CMBL: variants seen among roughly 807,000 people sequenced by gnomAD.
CMBL encodes the protein carboxymethylenebutenolidase homolog, also known as carboxymethylenebutenolidase homolog (Pseudomonas).
CMBL carries 17 observed loss-of-function variants against 28.7 expected under a neutral mutation model. The ratio of observed to expected loss-of-function variants is 0.59; its 90% CI spans 0.41 to 0.89. CMBL has a LOEUF of 0.89. Ranked by LOEUF, CMBL falls within the 40% of genes least tolerant of loss-of-function variation. The probability of loss-of-function intolerance (pLI) is 0.00; values close to 1 mark genes in which losing one functional copy is unlikely to be tolerated. For synonymous variants in CMBL, 106 were observed against 101.6 expected, an observed-to-expected ratio of 1.04 and a Z score of -0.26; for missense variants, 310 against 298.5, an observed-to-expected ratio of 1.04 and a Z score of -0.28.
intron 4 of CMBL, among the ~76,000 whole-genome samples, chr5:10,285,049 G>A (rs778064842): frequency 3.3e-5 from 5 of 151,246 alleles, no homozygotes; most frequent in Non-Finnish European, 5.9e-5. Flanking sequence ...TGTCATCCAG[G>A]TTGGAGTGCA....
chr5:10,301,381 G>T (rs1030876966), intron 1 of CMBL, among the ~76,000 whole-genome samples: 3 of 152,098 alleles, frequency 2.0e-5, no homozygotes, highest in Admixed American at 1.3e-4. Context: ...ACTATAATTA[G>T]TAAGACTCAA....
At chr5:10,280,678 T>C (rs1055078752) in intron 5 of CMBL, 46 bp from the exon 6 acceptor site, 3 of 1,496,616 alleles carry the variant, frequency 2.0e-6, no homozygotes, top group African/African-American at 1.4e-5. Context: ...AGTGATACTT[T>C]CCATTCTCCA....
chr5:10,281,430 C>T (rs1279053928), intron 5 of CMBL, among the ~76,000 whole-genome samples: 1 of 152,122 alleles, frequency 6.6e-6, no homozygotes, highest in Non-Finnish European at 1.5e-5. Context: ...ACTGCCTAGC[C>T]TGGTCTTAAA....
In CMBL at chr5:10,280,218, C is replaced by T. The variant is rs1746474604; in HGVS notation, c.*235G>A. ...CCTCCCAAAGTGCTGGAATTACAGG[C>T]ATGAGGCACTACACCTGGTCAGACC... is the stretch of plus-strand genomic sequence containing the variant. On this transcript the variant is annotated 3_prime_UTR_variant, in exon 6 of 6. Coordinates refer to ENST00000296658, the MANE Select transcript of CMBL (RefSeq NM_138809.4). The T allele has an allele frequency of 2.8e-6, 1 of 351,824 alleles. No individual in the cohort carries two copies. The highest frequency in any genetic ancestry group is 4.3e-5 in the Admixed American group (1 of 23,364). The allele number at this position is 351,824 out of a possible 1,614,324, so 21.8% of individuals were successfully genotyped here.
chr5:10,305,641 C>T (rs752339082), intron 1 of CMBL, among the ~76,000 whole-genome samples: 7 of 152,026 alleles, frequency 4.6e-5, no homozygotes, highest in Non-Finnish European at 8.8e-5. Context: ...GTGCAATCTC[C>T]GCTCACTGCA....
In CMBL at chr5:10,292,129, TCACCGC is replaced by T. The variant is rs1344035491; in HGVS notation, c.-19-1354_-19-1349del. ...ACTGTGAACAATCAACTGAGATAAC[TCACCGC>T]CATCAGGCCTGCCTAAATTTAAATA... On this transcript the variant is annotated intron_variant, in intron 1 of 5. Coordinates refer to ENST00000296658, the MANE Select transcript of CMBL (RefSeq NM_138809.4). 4 of 152,338 alleles carry T rather than the reference TCACCGC, an allele frequency of 2.6e-5. No homozygotes were observed. The East Asian group carries it at 7.7e-4, about 29-fold the overall frequency. The allele number at this position is 152,338 out of a possible 1,614,324, so 9.4% of individuals were successfully genotyped here.
chr5:10,300,221 T>C (rs980427737), intron 1 of CMBL, among the ~76,000 whole-genome samples: 10 of 151,640 alleles, frequency 6.6e-5, no homozygotes, highest in African/African-American at 2.2e-4. Flanking sequence ...CGTGTGAAGA[T>C]GGAGGTGGAG....
rs1305731797 is a variant in CMBL, at chr5:10,307,705, G to C, written c.-100C>G. 1 of 152,944 alleles carries C rather than the reference G, an allele frequency of 6.5e-6. No individual in the cohort carries two copies. The highest frequency in any genetic ancestry group is 2.4e-5 in the African/African-American group (1 of 41,438). The allele number at this position is 152,944 out of a possible 1,614,324, so 9.5% of individuals were successfully genotyped here. ...GCGGCGTGGCGCCGGGCGGGGACGC[G>C]AGAGGGACGTGGACGCGGCGACCGA... On this transcript the variant is annotated 5_prime_UTR_variant, in exon 1 of 6. Transcript: ENST00000296658.
rs1746447217 is a variant in CMBL at position 10,279,089 on chromosome 5, G to A, written c.*1364C>T. Among the ~76,000 whole-genome samples, 1 of 152,184 alleles carries A rather than the reference G, an allele frequency of 6.6e-6. No homozygotes were observed. The highest frequency in any genetic ancestry group is 2.4e-5 in the African/African-American group (1 of 41,432). On this transcript the variant is annotated 3_prime_UTR_variant, in exon 6 of 6. Coordinates refer to ENST00000296658, the MANE Select transcript of CMBL (RefSeq NM_138809.4). ...CACATGTACGCACCCCGTAGGTGCA[G>A]GTGCAGAGTTTCTCACCGGCTCTCC...
intron 1 of CMBL, among the ~76,000 whole-genome samples, chr5:10,295,957 G>A (rs1382569892): frequency 6.6e-6 from 1 of 152,200 alleles, no homozygotes; most frequent in Non-Finnish European, 1.5e-5. Context: ...ATGCTATCTA[G>A]CATTGCTAAG....
intron 4 of CMBL, among the ~76,000 whole-genome samples, chr5:10,283,504 G>A (rs1209950067): frequency 6.6e-6 from 1 of 152,188 alleles, no homozygotes; most frequent in African/African-American, 2.4e-5. Context: ...TTGGCCGGGC[G>A]AGGTGGCTCA....
intron 5 of CMBL, among the ~76,000 whole-genome samples, chr5:10,280,930 T>C (rs559393216): frequency 6.6e-6 from 1 of 152,238 alleles, no homozygotes; most frequent in South Asian, 2.1e-4. Context: ...CCCGCCACCA[T>C]GCCCAGCTAA....
chr5:10,285,480 T>C (rs1332792856), intron 4 of CMBL, among the ~76,000 whole-genome samples: 1 of 152,100 alleles, frequency 6.6e-6, no homozygotes, highest in Non-Finnish European at 1.5e-5. Context: ...AAATTTTTTA[T>C]AGAGACAAGG....
chr5:10,300,531 G>A (rs1027229650), intron 1 of CMBL, among the ~76,000 whole-genome samples: 2 of 152,184 alleles, frequency 1.3e-5, no homozygotes, highest in Non-Finnish European at 2.9e-5. Flanking sequence ...CCCGCATGGT[G>A]GCTCAGGCCT....
chr5:10,307,179 T>C (rs1469115821), intron 1 of CMBL: 1 of 152,212 alleles, frequency 6.6e-6, no homozygotes, highest in Non-Finnish European at 1.5e-5. Context: ...TGGATGCTGA[T>C]TTAGTTGCAA....
chr5:10,291,321 T>C (rs1004399924), intron 1 of CMBL, among the ~76,000 whole-genome samples: 2 of 152,058 alleles, frequency 1.3e-5, no homozygotes, highest in Admixed American at 1.3e-4. Flanking sequence ...CTCAGGTGTG[T>C]GCGAAGAAAC....
At chr5:10,299,743 C>T (rs1045856133) in intron 1 of CMBL, among the ~76,000 whole-genome samples, 1 of 151,346 alleles carries the variant, frequency 6.6e-6, no homozygotes, top group African/African-American at 2.4e-5. Context: ...CCCAGCTACT[C>T]AGGAGGCTGA....
intron 4 of CMBL, among the ~76,000 whole-genome samples, chr5:10,282,797 CAA>C: frequency 6.7e-6 from 1 of 150,170 alleles, no homozygotes; most frequent in South Asian, 2.1e-4. Context: ...AACAAACAAA[CAA>C]AAAACCCAAA....
At chr5:10,305,880 T>C (rs1746993301) in intron 1 of CMBL, among the ~76,000 whole-genome samples, 1 of 152,148 alleles carries the variant, frequency 6.6e-6, no homozygotes, top group African/African-American at 2.4e-5. Flanking sequence ...TACAGTTGAG[T>C]GTTTGATCTG....
Sources: allele counts gnomAD v4.1 joint callset (sites outside exome capture counted in the v4.1 genomes callset), GRCh38; gene constraint gnomAD v4.1.1; transcripts MANE v1.5; gene names NCBI Gene and HGNC (gene_info 2026-07-23, HGNC 2026-07-21).